MAPKAP1: variants seen among roughly 807,000 people sequenced by gnomAD.
MAPKAP1 encodes the protein target of rapamycin complex 2 subunit MAPKAP1.
MAPKAP1 carries 20 observed loss-of-function variants against 65.7 expected under a neutral mutation model. The ratio of observed to expected loss-of-function variants is 0.30; its 90% confidence interval spans 0.21 to 0.44. MAPKAP1 has a LOEUF of 0.44. MAPKAP1 is among the 20% of genes least tolerant of loss of function. MAPKAP1 has a pLI of 1.00. For missense variants in MAPKAP1, 423 were observed against 648.0 expected, an observed-to-expected ratio of 0.65 and a Z score of 3.77; for synonymous variants, 222 against 244.3, an observed-to-expected ratio of 0.91 and a Z score of 0.85.
chr9:125,657,964 G>C (rs1834079281), intron 3 of MAPKAP1, among the ~76,000 whole-genome samples, 165 bp from the exon 4 acceptor site: 1 of 152,186 alleles, frequency 6.6e-6, no homozygotes, highest in Non-Finnish European at 1.5e-5. Flanking sequence ...TGAAAAGGCA[G>C]AGCACGGAAG....
intron 4 of MAPKAP1, among the ~76,000 whole-genome samples, chr9:125,637,684 A>G (rs940061456): frequency 1.3e-5 from 2 of 152,250 alleles, no homozygotes; most frequent in Admixed American, 1.3e-4. Flanking sequence ...AGAAAACAAG[A>G]ATAAAAAAAT....
chr9:125,618,340 T>A (rs1489301610), intron 4 of MAPKAP1, among the ~76,000 whole-genome samples: 1 of 12,222 alleles, frequency 8.2e-5, no homozygotes, highest in Non-Finnish European at 1.5e-4. Flanking sequence ...AGGCTCCGTC[T>A]CAAAAAAAAA....
intron 10 of MAPKAP1, among the ~76,000 whole-genome samples, chr9:125,452,069 T>G (rs1340809375): frequency 1.3e-5 from 2 of 151,934 alleles, no homozygotes; most frequent in African/African-American, 4.8e-5. Flanking sequence ...CTTGGCCTCC[T>G]GAAGTGCTGG....
At chr9:125,460,294 G>A (rs12236749) in intron 10 of MAPKAP1, among the ~76,000 whole-genome samples, 3,051 of 151,736 alleles carry the variant, frequency 0.02, 163 homozygotes, top group East Asian at 0.14. Flanking sequence ...GCAAAAAGGA[G>A]GCTTCTCCCA....
chr9:125,693,846 T>TACACACACACACACACACACACAC (rs1554844769), intron 1 of MAPKAP1, among the ~76,000 whole-genome samples: 10 of 135,548 alleles, frequency 7.4e-5, no homozygotes, highest in African/African-American at 2.5e-4. Context: ...TATACACACA[T>TACACACACACACACACACACACAC]ACACACACAC....
intron 10 of MAPKAP1, among the ~76,000 whole-genome samples, chr9:125,450,667 A>G (rs964540346): frequency 1.3e-5 from 2 of 152,200 alleles, no homozygotes; most frequent in African/African-American, 4.8e-5. Context: ...CCTTTACATC[A>G]GGCATGGATA....
chr9:125,627,491 G>A (rs1274469212), intron 4 of MAPKAP1, among the ~76,000 whole-genome samples: 1 of 152,160 alleles, frequency 6.6e-6, no homozygotes, highest in African/African-American at 2.4e-5. Flanking sequence ...GAATAGTGAA[G>A]GCAGAGAGAG....
chr9:125,479,597 G>T (rs572031629), intron 9 of MAPKAP1, among the ~76,000 whole-genome samples: 1 of 148,540 alleles, frequency 6.7e-6, no homozygotes, highest in South Asian at 2.1e-4. Flanking sequence ...AAAAAAAAAA[G>T]TCTGGTGGAA....
At chr9:125,641,014 G>C (rs1424027861) in intron 4 of MAPKAP1, among the ~76,000 whole-genome samples, 1 of 152,200 alleles carries the variant, frequency 6.6e-6, no homozygotes, top group African/African-American at 2.4e-5. Flanking sequence ...AGCAGGGTGT[G>C]ATCTTAGGCA....
At chr9:125,565,884 T>C in intron 5 of MAPKAP1, 1 of 200,402 alleles carries the variant, frequency 5.0e-6, no homozygotes, top group Non-Finnish European at 1.1e-5. Context: ...ACCCATTAAC[T>C]AGCAGTGTGG....
intron 7 of MAPKAP1, 167 bp downstream of exon 7, chr9:125,542,892 C>T (rs1049234285): frequency 1.5e-5 from 11 of 756,496 alleles, no homozygotes; most frequent in Non-Finnish European, 2.7e-5. Context: ...CTTTCTGAGG[C>T]CGAGGGGCAG....
Position 125,595,350 on chromosome 9 carries a change from C to G in MAPKAP1, c.499-9623G>C, listed in dbSNP as rs941913652. Among the ~76,000 whole-genome samples the G allele has an allele frequency of 1.3e-5, 2 of 152,168 alleles. No individual in the cohort carries two copies. Among genetic ancestry groups the G allele is most frequent in the Non-Finnish European group, 1.5e-5 (1 of 68,038 alleles). On this transcript the variant is annotated intron_variant, in intron 4 of 11. Transcript: ENST00000265960. This position sits in a 1 kb window ranked among gnomAD's most constrained non-coding sequence, Gnocchi z 4.0. ...TAAACTTAAAAATCTAAAATAACTT[C>G]TAATACACAGAATGTGAACAGATAT...
chr9:125,485,832 TC>T (rs1360827785), intron 8 of MAPKAP1, among the ~76,000 whole-genome samples: 1 of 152,218 alleles, frequency 6.6e-6, no homozygotes, highest in African/African-American at 2.4e-5. Flanking sequence ...TGCTGTATGA[TC>T]TTGGGCAAGT....
intron 4 of MAPKAP1, among the ~76,000 whole-genome samples, chr9:125,586,435 T>C (rs1223122864): frequency 6.6e-6 from 1 of 152,058 alleles, no homozygotes; most frequent in African/African-American, 2.4e-5. Context: ...CCTCTACCTC[T>C]TGGACTTCAC....
At position 125,687,602 on chromosome 9, in the gene MAPKAP1, C is replaced by T. The variant is rs150434244; in HGVS notation, c.-69-14959G>A. On this transcript the variant is annotated intron_variant, in intron 1 of 11. Transcript: ENST00000265960. ...GACCAGCCTGGGCAACAGAGCAAGA[C>T]CCCACCTATACAAAAAAAAAAAAAA... is the stretch of plus-strand genomic sequence containing the variant. Among the ~76,000 whole-genome samples, 667 of 146,826 alleles carry T rather than the reference C, an allele frequency of 4.5e-3. 4 individuals carry two copies. Among genetic ancestry groups the T allele is most frequent in the African/African-American group, 9.3e-3 (370 of 39,886 alleles).
intron 6 of MAPKAP1, among the ~76,000 whole-genome samples, chr9:125,551,285 T>A (rs931312586): frequency 6.6e-6 from 1 of 152,164 alleles, no homozygotes; most frequent in African/African-American, 2.4e-5. Flanking sequence ...ACTTGGGGTA[T>A]ACTGTGGATT....
At chr9:125,482,973 A>C (rs1392138432) in intron 9 of MAPKAP1, among the ~76,000 whole-genome samples, 1 of 152,188 alleles carries the variant, frequency 6.6e-6, no homozygotes. Flanking sequence ...TTTTACAGAT[A>C]AGGAAACTGG....
At chr9:125,660,389 A>G (rs545987178) in intron 3 of MAPKAP1, among the ~76,000 whole-genome samples, 19 of 152,188 alleles carry the variant, frequency 1.2e-4, no homozygotes, top group Non-Finnish European at 2.5e-4. Flanking sequence ...ACTGAGCTGT[A>G]CATTTAATAT....
chr9:125,557,417 A>G (rs1297192421), intron 6 of MAPKAP1, among the ~76,000 whole-genome samples: 4 of 151,850 alleles, frequency 2.6e-5, no homozygotes, highest in Admixed American at 6.6e-5. Flanking sequence ...TTTAGAGTAG[A>G]AAAAAAAACT....
Sources: gnomAD v4.1 joint callset for allele counts (sites outside exome capture counted in the v4.1 genomes callset) on GRCh38, gnomAD v4.1.1 for gene constraint, Gnocchi (gnomAD v3.1) non-coding constraint, MANE v1.5 for transcripts, NCBI Gene and HGNC (gene_info 2026-07-23, HGNC 2026-07-21) for gene names.